Variants in ARID5A observed in about 807,000 individuals in gnomAD.
ARID5A encodes the protein AT-rich interactive domain-containing protein 5A.
Under a neutral mutation model 30.5 loss-of-function variants are expected in ARID5A, and 14 were observed. The ratio of observed to expected loss-of-function variants is 0.46; its 90% CI spans 0.30 to 0.72. The LOEUF is 0.72. Ranked by LOEUF, ARID5A falls within the 30% of genes least tolerant of loss-of-function variation. The pLI, the probability that ARID5A is intolerant of heterozygous loss-of-function variation, is 0.07. For missense variants in ARID5A, 669 were observed against 786.2 expected, an observed-to-expected ratio of 0.85 and a Z score of 1.78; for synonymous variants, 338 against 340.4, an observed-to-expected ratio of 0.99 and a Z score of 0.08.
rs901810754 is a variant in ARID5A at position 96,549,916 on chromosome 2, T to C, written c.312+111T>C. ...GAGCCAGGATCCCCAGTCCTACCCC[T>C]GCGTCCCTGCCTCCCTGCCTTCCCC... On this transcript the variant is annotated intron_variant, in intron 4 of 6. Transcript: ENST00000357485. This position sits in a 1 kb window ranked among gnomAD's most constrained non-coding sequence, Gnocchi z 6.1. 3.3e-6 allele frequency: 5 copies of C among 1,533,582 alleles called. No homozygotes were observed. The African/African-American group carries it at 6.8e-5, about 21-fold the overall frequency. 95.0% of individuals were successfully genotyped at this position (1,533,582 alleles called of 1,614,324 possible). A position where few individuals can be genotyped will look rare whatever the true frequency, so the allele number is the denominator to read the frequency against.
chr2:96,543,427 C>T (rs1307173477), intron 1 of ARID5A, among the ~76,000 whole-genome samples: 1 of 151,378 alleles, frequency 6.6e-6, no homozygotes. Flanking sequence ...TCTATCGATG[C>T]CATTTTTTAA....
intron 1 of ARID5A, chr2:96,538,084 G>A (rs989914268): frequency 3.1e-5 from 31 of 985,404 alleles, no homozygotes; most frequent in Non-Finnish European, 3.7e-5. Flanking sequence ...AGGCCTTAGG[G>A]ACCCGCCTGG....
chr2:96,536,780 C>A lies in ARID5A; in HGVS notation c.-47C>A, dbSNP rs892783884. 4.1e-6 allele frequency: 5 copies of A among 1,225,792 alleles called. No homozygotes were observed. Among genetic ancestry groups the A allele is most frequent in the Non-Finnish European group, 5.1e-6 (5 of 984,134 alleles). The allele number at this position is 1,225,792 out of a possible 1,614,324, so 75.9% of individuals were successfully genotyped here. On this transcript the variant is annotated 5_prime_UTR_variant, in exon 1 of 7. Coordinates refer to ENST00000357485, the MANE Select transcript of ARID5A (RefSeq NM_212481.3). The stretch of plus-strand genomic sequence containing the variant: ...TCAGAGAGCGCGGGGTCCGGACAGC[C>A]GCGCGCTGAGGGTCTCGGGGCGGGC...
At position 96,548,807 on chromosome 2, in the gene ARID5A, C is replaced by T. The variant is rs796539456; in HGVS notation, c.121-514C>T. Among the ~76,000 whole-genome samples, 6 of 152,244 alleles carry T rather than the reference C, an allele frequency of 3.9e-5. No homozygotes were observed. In the South Asian group the frequency reaches 1.0e-3, roughly 26 times the overall value. ...GAGCTTCACCTCCCTGTGCTCAGCACGGCAGGCTGGGGCCACACAGAGGCT... is the reference window on the plus strand; with the variant it reads ...GAGCTTCACCTCCCTGTGCTCAGCATGGCAGGCTGGGGCCACACAGAGGCT... On this transcript the variant is annotated intron_variant, in intron 2 of 6. Coordinates refer to ENST00000357485, the MANE Select transcript of ARID5A (RefSeq NM_212481.3).
chr2:96,538,148 A>G (rs1335506028), intron 1 of ARID5A: 17 of 985,270 alleles, frequency 1.7e-5, no homozygotes, highest in Admixed American at 6.2e-5. Context: ...ATCTGCTTCT[A>G]CAGTTGAGAG....
Position 96,536,756 on chromosome 2 carries a change from CAGAG to C in ARID5A, c.-68_-65del. ...CGGGCCGCGCCGCGAGCCAGTATCT[CAGAG>C]AGCGCGGGGTCCGGACAGCCGCGCG... is the stretch of plus-strand genomic sequence containing the variant. On this transcript the variant is annotated 5_prime_UTR_variant, in exon 1 of 7. Coordinates refer to ENST00000357485, the MANE Select transcript of ARID5A (RefSeq NM_212481.3). 1 of 1,169,110 alleles carries C rather than the reference CAGAG, an allele frequency of 8.6e-7. No individual in the cohort carries two copies. Among genetic ancestry groups the C allele is most frequent in the Non-Finnish European group, 1.1e-6 (1 of 948,364 alleles). The allele number at this position is 1,169,110 out of a possible 1,614,324, so 72.4% of individuals were successfully genotyped here. A position where few individuals can be genotyped will look rare whatever the true frequency, so the allele number is the denominator to read the frequency against.
chr2:96,538,758 G>C (rs1227373681), intron 1 of ARID5A, among the ~76,000 whole-genome samples: 1 of 152,236 alleles, frequency 6.6e-6, no homozygotes, highest in Non-Finnish European at 1.5e-5. Context: ...GGCGTCTGCT[G>C]GTTGTTATTG....
intron 1 of ARID5A, among the ~76,000 whole-genome samples, chr2:96,543,801 A>G (rs1171243690): frequency 6.6e-6 from 1 of 152,170 alleles, no homozygotes; most frequent in Non-Finnish European, 1.5e-5. Context: ...TTTACTTTTA[A>G]ATAAAAAAAC....
At chr2:96,542,231 T>C (rs1284293115) in intron 1 of ARID5A, among the ~76,000 whole-genome samples, 2 of 152,094 alleles carry the variant, frequency 1.3e-5, no homozygotes, top group Non-Finnish European at 2.9e-5. Context: ...CCCTTCTTGC[T>C]CATCTAATGC....
At position 96,549,485 on chromosome 2, in the gene ARID5A, AG is replaced by A. The variant is rs2065987579; in HGVS notation, c.259+32del. On this transcript the variant is annotated intron_variant, in intron 3 of 6. Coordinates refer to ENST00000357485, the MANE Select transcript of ARID5A (RefSeq NM_212481.3). This position sits in a 1 kb window ranked among gnomAD's most constrained non-coding sequence, Gnocchi z 6.1. ...GTGCGTCCCTGGGGTGCAGGCAGGG[AG>A]GGGGGCCCAGCAGGGGACCCCGCCC... 2 of 1,605,134 alleles carry A rather than the reference AG, an allele frequency of 1.2e-6. No homozygotes were observed. Among genetic ancestry groups the A allele is most frequent in the East Asian group, 2.2e-5 (1 of 44,620 alleles).
At chr2:96,536,943 G>A in intron 1 of ARID5A, 113 bp downstream of exon 1, 1 of 1,181,728 alleles carries the variant, frequency 8.5e-7, no homozygotes, top group Non-Finnish European at 1.1e-6. Context: ...CGCTGTGTGG[G>A]GCGGAGAGGG....
chr2:96,541,101 G>T (rs1347737525), intron 1 of ARID5A, among the ~76,000 whole-genome samples: 1 of 136,122 alleles, frequency 7.3e-6, no homozygotes, highest in African/African-American at 2.8e-5. Context: ...GCAGTGGCGC[G>T]AGCTCAGCTC....
At position 96,550,164 on chromosome 2, in the gene ARID5A, C is replaced by T. The variant is rs763163740; in HGVS notation, c.313-24C>T. 1.6e-5 allele frequency: 24 copies of T among 1,532,666 alleles called. No individual in the cohort carries two copies. Among genetic ancestry groups the T allele is most frequent in the Middle Eastern group, 2.1e-4 (1 of 4,858 alleles). The allele number at this position is 1,532,666 out of a possible 1,614,324, so 94.9% of individuals were successfully genotyped here. ...GCCGCCAGGGGGCGCCCGCCGGCCG[C>T]GCCCTCACGAGGTGCCCTTGCAGGT... On this transcript the variant is annotated intron_variant, in intron 4 of 6. Coordinates refer to ENST00000357485, the MANE Select transcript of ARID5A (RefSeq NM_212481.3). The surrounding 1 kb of genome is among the most constrained non-coding windows in gnomAD (Gnocchi z 6.6).
intron 1 of ARID5A, among the ~76,000 whole-genome samples, chr2:96,544,067 G>T (rs750344193): frequency 2.0e-5 from 3 of 152,218 alleles, no homozygotes; most frequent in Non-Finnish European, 4.4e-5. Context: ...CCAGACCAAG[G>T]CTCTAAATCT....
chr2:96,549,240 C>T lies in ARID5A; in HGVS notation c.121-81C>T. The T allele has an allele frequency of 6.4e-7, 1 of 1,563,234 alleles. No homozygotes were observed. Among genetic ancestry groups the T allele is most frequent in the South Asian group, 1.2e-5 (1 of 83,672 alleles). ...GGTTGGGGTAGGTACCTTATTCCTC[C>T]TGCAGCCAGTGGTTTCTGCACATCC... On this transcript the variant is annotated intron_variant, in intron 2 of 6. Transcript: ENST00000357485. The surrounding 1 kb of genome is among the most constrained non-coding windows in gnomAD (Gnocchi z 6.1).
intron 2 of ARID5A, among the ~76,000 whole-genome samples, chr2:96,548,680 C>T (rs925927276): frequency 1.3e-5 from 2 of 152,168 alleles, no homozygotes; most frequent in African/African-American, 4.8e-5. Context: ...GGCTCTCTGC[C>T]CCGAGCCACT....
At chr2:96,538,320 C>A in intron 1 of ARID5A, 1 of 985,518 alleles carries the variant, frequency 1.0e-6, no homozygotes, top group Non-Finnish European at 1.2e-6. Context: ...TCCCAGAGCC[C>A]GGTAAGAGGG....
chr2:96,550,394 C>G lies in ARID5A; in HGVS notation c.410+109C>G. Reference sequence around the variant, plus strand: ...TGCCCGGAGCGGGCAGGGTATGCGCCGTCCTCAGAGCTGCGGGAGCCCAGG... The same window carrying G: ...TGCCCGGAGCGGGCAGGGTATGCGCGGTCCTCAGAGCTGCGGGAGCCCAGG... On this transcript the variant is annotated intron_variant, in intron 5 of 6. Coordinates refer to ENST00000357485, the MANE Select transcript of ARID5A (RefSeq NM_212481.3). The surrounding 1 kb of genome is among the most constrained non-coding windows in gnomAD (Gnocchi z 6.6). 1.4e-6 allele frequency: 2 copies of G among 1,432,792 alleles called. No individual in the cohort carries two copies. Among genetic ancestry groups the G allele is most frequent in the Non-Finnish European group, 9.1e-7 (1 of 1,097,116 alleles). 88.8% of individuals were successfully genotyped at this position (1,432,792 alleles called of 1,614,324 possible). A position where few individuals can be genotyped will look rare whatever the true frequency, so the allele number is the denominator to read the frequency against.
Position 96,552,205 on chromosome 2 carries a change from C to G in ARID5A, c.1677C>G (p.Phe559Leu). 6.2e-7 allele frequency: 1 copy of G among 1,613,502 alleles called. No homozygotes were observed. The highest frequency in any genetic ancestry group is 8.5e-7 in the Non-Finnish European group (1 of 1,179,980). The change falls in exon 7 of 7, where the codon TTC (phenylalanine) becomes TTG (leucine). Residue 559 changes from phenylalanine (F) to leucine (L), a missense_variant. By Grantham distance (22) the Phe-to-Leu change is conservative. This residue lies in a region of ARID5A where 548 missense variants were observed against 577.4 expected (regional missense o/e 0.95). Transcript: ENST00000357485. ...AGLMHFPPTS[F>L]DSALRHRLCP... ...TGATGCACTTCCCCCCAACGTCCTTCGACAGTGCCCTCCGCCACAGACTTT... is the reference window on the plus strand; with the variant it reads ...TGATGCACTTCCCCCCAACGTCCTTGGACAGTGCCCTCCGCCACAGACTTT...
Sources: allele counts gnomAD v4.1 joint callset (sites outside exome capture counted in the v4.1 genomes callset), GRCh38; gene constraint gnomAD v4.1.1; regional missense constraint gnomAD v4.1.1; non-coding constraint Gnocchi (gnomAD v3.1); transcripts MANE v1.5; gene names NCBI Gene and HGNC (gene_info 2026-07-23, HGNC 2026-07-21).